DGKB: variants seen among roughly 807,000 people sequenced by gnomAD.
DGKB encodes diacylglycerol kinase beta.
A neutral mutation model predicts 114.3 loss-of-function variants in DGKB; 67 were observed. The ratio of observed to expected loss-of-function variants is 0.59; its 90% CI spans 0.48 to 0.72. The LOEUF is 0.72. Ranked by LOEUF, DGKB falls within the 30% of genes least tolerant of loss-of-function variation. The pLI, the probability that DGKB is intolerant of heterozygous loss-of-function variation, is 0.00. For synonymous variants in DGKB, 398 were observed against 323.1 expected (o/e 1.23, Z -2.49); for missense variants, 907 against 975.2 (o/e 0.93, Z 0.93).
chr7:14,357,676 A>C (rs1417733758), intron 21 of DGKB, among the ~76,000 whole-genome samples: 2 of 152,152 alleles, frequency 1.3e-5, no homozygotes, highest in Non-Finnish European at 2.9e-5. Flanking sequence ...TAGTTGATGC[A>C]GTTTCTTCAT....
At chr7:14,789,968 T>A (rs1219859543) in intron 2 of DGKB, among the ~76,000 whole-genome samples, 2 of 152,184 alleles carry the variant, frequency 1.3e-5, no homozygotes, top group Non-Finnish European at 2.9e-5. Context: ...TCGTTACCAA[T>A]TTTTGTTTAG....
intron 1 of DGKB, among the ~76,000 whole-genome samples, chr7:14,883,692 G>C (rs1854588660): frequency 6.6e-6 from 1 of 151,904 alleles, no homozygotes; most frequent in Non-Finnish European, 1.5e-5. Flanking sequence ...TTTATGAAAA[G>C]AAGAAACCTG....
At chr7:14,858,177 A>G (rs1447351756) in intron 1 of DGKB, among the ~76,000 whole-genome samples, 6 of 152,130 alleles carry the variant, frequency 3.9e-5, no homozygotes, top group Non-Finnish European at 2.9e-5. Flanking sequence ...CCTGGAACCA[A>G]TTTTAGGGCT....
intron 2 of DGKB, among the ~76,000 whole-genome samples, chr7:14,769,244 A>G (rs950305808): frequency 1.8e-5 from 2 of 109,498 alleles, no homozygotes; most frequent in African/African-American, 4.4e-5. Flanking sequence ...GAAAGAAAGA[A>G]AGAAAGAAAG....
chr7:14,429,577 G>A (rs1397108283), intron 21 of DGKB, among the ~76,000 whole-genome samples: 1 of 152,120 alleles, frequency 6.6e-6, no homozygotes, highest in African/African-American at 2.4e-5. Flanking sequence ...TGAAGAGTCT[G>A]ATCTCCTCTT....
intron 1 of DGKB, among the ~76,000 whole-genome samples, chr7:14,863,148 C>A (rs1851233027): frequency 6.6e-6 from 1 of 150,904 alleles, no homozygotes; most frequent in South Asian, 2.1e-4. Context: ...TAAATTGTAT[C>A]CCCTTAAATT....
intron 25 of DGKB, among the ~76,000 whole-genome samples, chr7:14,161,528 A>C (rs1783890335): frequency 6.6e-6 from 1 of 152,202 alleles, no homozygotes; most frequent in East Asian, 1.9e-4. Context: ...GACATGGATG[A>C]AGCTGGAAAC....
At chr7:14,877,857 A>T (rs1046555461) in intron 1 of DGKB, among the ~76,000 whole-genome samples, 1 of 152,214 alleles carries the variant, frequency 6.6e-6, no homozygotes, top group Non-Finnish European at 1.5e-5. Context: ...ATTAGGAAAA[A>T]TCGTATATAG....
At chr7:14,388,569 T>A (rs1820810709) in intron 21 of DGKB, among the ~76,000 whole-genome samples, 1 of 151,656 alleles carries the variant, frequency 6.6e-6, no homozygotes, top group Non-Finnish European at 1.5e-5. Flanking sequence ...TTGTCGAAAT[T>A]TTCTGCAGTA....
intron 1 of DGKB, among the ~76,000 whole-genome samples, chr7:14,918,982 G>A (rs539115576): frequency 2.6e-5 from 4 of 151,532 alleles, no homozygotes; most frequent in Non-Finnish European, 5.9e-5. Context: ...AGAATCGTTT[G>A]AACCCAGGAG....
At chr7:14,629,492 T>C (rs958368959) in intron 14 of DGKB, among the ~76,000 whole-genome samples, 1 of 152,052 alleles carries the variant, frequency 6.6e-6, no homozygotes, top group Non-Finnish European at 1.5e-5. Flanking sequence ...CATAATCTTA[T>C]GTAGCATTCA....
At chr7:14,267,523 C>G (rs1353621773) in intron 23 of DGKB, among the ~76,000 whole-genome samples, 1 of 148,990 alleles carries the variant, frequency 6.7e-6, no homozygotes, top group African/African-American at 2.5e-5. Context: ...GAGTCTGGCT[C>G]TGTTGCCCAG....
intron 5 of DGKB, among the ~76,000 whole-genome samples, chr7:14,730,115 T>A (rs546122640): frequency 1.1e-4 from 17 of 152,342 alleles, no homozygotes; most frequent in African/African-American, 4.1e-4. Flanking sequence ...AGTATGAGTG[T>A]TTAAATGAGT....
intron 21 of DGKB, among the ~76,000 whole-genome samples, chr7:14,464,121 T>TA (rs1322067567): frequency 1.3e-5 from 2 of 152,080 alleles, no homozygotes; most frequent in Admixed American, 1.3e-4. Flanking sequence ...TGTCATATGA[T>TA]ACTTTAAATT....
intron 21 of DGKB, among the ~76,000 whole-genome samples, chr7:14,377,555 G>C (rs1329321319): frequency 6.6e-6 from 1 of 152,108 alleles, no homozygotes; most frequent in African/African-American, 2.4e-5. Flanking sequence ...TCTAGGACAG[G>C]TATGAAAACA....
chr7:14,948,991 G>C (rs777380932), intron 1 of DGKB, among the ~76,000 whole-genome samples: 18 of 151,708 alleles, frequency 1.2e-4, no homozygotes, highest in Non-Finnish European at 2.5e-4. Context: ...ACCCAGATGA[G>C]TGATTTAAGA....
intron 1 of DGKB, among the ~76,000 whole-genome samples, chr7:14,934,988 T>G (rs947709239): frequency 3.3e-5 from 5 of 152,218 alleles, no homozygotes; most frequent in Non-Finnish European, 5.9e-5. Context: ...AAGCACATTA[T>G]GTACTAACAT....
chr7:14,421,291 TGTTC>T (rs1301278051), intron 21 of DGKB, among the ~76,000 whole-genome samples: 1 of 152,136 alleles, frequency 6.6e-6, no homozygotes, highest in African/African-American at 2.4e-5. Context: ...TCATGCATGC[TGTTC>T]AAATCCTTGT....
intron 21 of DGKB, among the ~76,000 whole-genome samples, chr7:14,388,634 T>C (rs977136767): frequency 3.3e-5 from 5 of 152,098 alleles, no homozygotes; most frequent in Non-Finnish European, 7.4e-5. Context: ...ATGATTGATA[T>C]TATATCTTTT....
Sources: gnomAD v4.1 joint callset for allele counts (sites outside exome capture counted in the v4.1 genomes callset) on GRCh38, gnomAD v4.1.1 for gene constraint, MANE v1.5 for transcripts, NCBI Gene and HGNC (gene_info 2026-07-23, HGNC 2026-07-21) for gene names.